MYL6: variants seen among roughly 807,000 people sequenced by gnomAD.
MYL6 encodes myosin light chain 6, also known as myosin light polypeptide 6.
MYL6 carries 20 observed loss-of-function variants against 20.3 expected under a neutral mutation model. The ratio of observed to expected loss-of-function variants is 0.98; its 90% CI spans 0.69 to 1.43. The LOEUF is 1.43. MYL6 is among the 40% of genes most tolerant of loss of function. The probability of loss-of-function intolerance (pLI) is 0.00; values close to 1 mark genes in which losing one functional copy is unlikely to be tolerated. For missense variants in MYL6, 164 were observed against 191.0 expected (o/e 0.86, Z 0.83); for synonymous variants, 77 against 72.4 (o/e 1.06, Z -0.32).
intron 2 of MYL6, 34 bp downstream of exon 2, chr12:56,158,745 T>G: frequency 1.9e-6 from 3 of 1,612,912 alleles, no homozygotes; most frequent in Non-Finnish European, 2.5e-6. Context: ...GAGGTCACCC[T>G]TAGGGAGAGG....
intron 1 of MYL6, 39 bp downstream of exon 1, chr12:56,158,443 CGA>C: frequency 6.5e-7 from 1 of 1,547,214 alleles, no homozygotes; most frequent in Non-Finnish European, 8.7e-7. Flanking sequence ...GGATTGGGGA[CGA>C]GAGGCAGGAA....
chr12:56,158,365 A>G lies in MYL6; in HGVS notation c.-37A>G, dbSNP rs1269514127. ...GGTTGGGCCGAGAGTCGGAGCCATT[A>G]CTGCAGGAAAAGGTCCCGGAGAGCT... On this transcript the variant is annotated 5_prime_UTR_variant, in exon 1 of 7. Transcript: ENST00000550697. The G allele has an allele frequency of 6.6e-6, 10 of 1,516,218 alleles. No homozygotes were observed. Among genetic ancestry groups the G allele is most frequent in the Non-Finnish European group, 8.8e-6 (10 of 1,134,980 alleles). 93.9% of individuals were successfully genotyped at this position (1,516,218 alleles called of 1,614,324 possible).
chr12:56,159,454 T>C, intron 2 of MYL6, 133 bp from the exon 3 acceptor site: 2 of 1,216,078 alleles, frequency 1.6e-6, no homozygotes, highest in Non-Finnish European at 2.3e-6. Context: ...CCCTCTTAAG[T>C]AGACTTTGGT....
chr12:56,158,697 A>C lies in MYL6; in HGVS notation c.17A>C (p.Glu6Ala). 1 of 1,614,094 alleles carries C rather than the reference A, an allele frequency of 6.2e-7. No individual in the cohort carries two copies. The highest frequency in any genetic ancestry group is 8.5e-7 in the Non-Finnish European group (1 of 1,180,016). MCDFTEDQTAEFKEAF... is the reference protein window; with the variant it reads MCDFTADQTAEFKEAF... ...TTCTCTGAGCAGTGTGACTTCACCG[A>C]AGACCAGACCGCAGGTAGGTTATCT... is the stretch of plus-strand genomic sequence containing the variant. The change falls in exon 2 of 7, where the codon GAA (glutamate) becomes GCA (alanine). Residue 6 changes from glutamate (E) to alanine (A), a missense_variant. Physicochemically the swap from Glu to Ala is moderately radical, Grantham distance 107 (BLOSUM62 -1). Transcript: ENST00000550697.
In MYL6 at chr12:56,161,524, TCTTGG is replaced by T. The variant is rs1871869951; in HGVS notation, c.*155_*159del. On this transcript the variant is annotated 3_prime_UTR_variant, in exon 7 of 7. Transcript: ENST00000550697. ...CTCAGCAACTTTCCCATCTTGTCTC[TCTTGG>T]ATGATGTTTGCCGTCAGCATTCACC... is the stretch of plus-strand genomic sequence containing the variant. 7.4e-7 allele frequency: 1 copy of T among 1,345,080 alleles called. No individual in the cohort carries two copies. Among genetic ancestry groups the T allele is most frequent in the Admixed American group, 1.7e-5 (1 of 59,596 alleles). 83.3% of individuals were successfully genotyped at this position (1,345,080 alleles called of 1,614,324 possible). A position where few individuals can be genotyped will look rare whatever the true frequency, so the allele number is the denominator to read the frequency against.
Position 56,158,359 on chromosome 12 carries a change from G to C in MYL6, c.-43G>C, listed in dbSNP as rs548926175. 1 of 1,515,168 alleles carries C rather than the reference G, an allele frequency of 6.6e-7. No individual in the cohort carries two copies. Among genetic ancestry groups the C allele is most frequent in the African/African-American group, 1.4e-5 (1 of 71,516 alleles). The allele number at this position is 1,515,168 out of a possible 1,614,324, so 93.9% of individuals were successfully genotyped here. ...GACTAGGGTTGGGCCGAGAGTCGGAGCCATTACTGCAGGAAAAGGTCCCGG... is the reference window on the plus strand; with the variant it reads ...GACTAGGGTTGGGCCGAGAGTCGGACCCATTACTGCAGGAAAAGGTCCCGG... On this transcript the variant is annotated 5_prime_UTR_variant, in exon 1 of 7. Transcript: ENST00000550697.
Position 56,160,138 on chromosome 12 carries a change from T to C in MYL6, c.339T>C (p.Leu113=), listed in dbSNP as rs1163731776. 1 of 1,613,942 alleles carries C rather than the reference T, an allele frequency of 6.2e-7. No individual in the cohort carries two copies. Among genetic ancestry groups the C allele is most frequent in the Non-Finnish European group, 8.5e-7 (1 of 1,179,952 alleles). ...TVMGAEIRHV[L]VTLGEKMTEE... is the part of the protein sequence containing the mutation. ...TGGGTGCTGAAATCCGGCATGTTCT[T>C]GTCACACTGGGTAAGGTTCTGTGTC... The change falls in exon 4 of 7, where the codon CTT becomes CTC. Residue 113 remains leucine, a synonymous_variant. Coordinates refer to ENST00000550697, the MANE Select transcript of MYL6 (RefSeq NM_021019.5).
In MYL6 at chr12:56,161,530, A is replaced by T; in HGVS notation, c.*160A>T. On this transcript the variant is annotated 3_prime_UTR_variant, in exon 7 of 7. Transcript: ENST00000550697. ...AACTTTCCCATCTTGTCTCTCTTGGATGATGTTTGCCGTCAGCATTCACCA... is the reference window on the plus strand; with the variant it reads ...AACTTTCCCATCTTGTCTCTCTTGGTTGATGTTTGCCGTCAGCATTCACCA... 1 of 1,312,862 alleles carries T rather than the reference A, an allele frequency of 7.6e-7. No homozygotes were observed. Among genetic ancestry groups the T allele is most frequent in the Non-Finnish European group, 1.1e-6 (1 of 911,358 alleles). 81.3% of individuals were successfully genotyped at this position (1,312,862 alleles called of 1,614,324 possible). A position where few individuals can be genotyped will look rare whatever the true frequency, so the allele number is the denominator to read the frequency against.
intron 5 of MYL6, 133 bp downstream of exon 5, chr12:56,160,453 G>A: frequency 6.9e-7 from 1 of 1,454,568 alleles, no homozygotes; most frequent in East Asian, 2.3e-5. Context: ...GCCCTGCCCA[G>A]CCCAGCCCAG....
rs1328803218 is a variant in MYL6, at chr12:56,159,996, AC to A, written c.198del (p.Phe67LeufsTer54). 1.2e-6 allele frequency: 2 copies of A among 1,613,392 alleles called. No homozygotes were observed. The highest frequency in any genetic ancestry group is 1.7e-6 in the Non-Finnish European group (2 of 1,179,744). On this transcript the variant is annotated frameshift_variant, in exon 4 of 7. Transcript: ENST00000550697. LOFTEE classifies it high-confidence loss of function. ...KSDEMNVKVLDFEHFLPMLQT... is the reference protein window; with the variant it reads ...KSDEMNVKVLXFEHFLPMLQT... ...GCAGAGATGAATGTGAAGGTGCTGG[AC>A]TTTGAGCACTTTCTGCCCATGCTGC... is the stretch of plus-strand genomic sequence containing the variant.
intron 2 of MYL6, 111 bp downstream of exon 2, chr12:56,158,822 T>G: frequency 6.5e-7 from 1 of 1,545,958 alleles, no homozygotes; most frequent in Admixed American, 2.0e-5. Flanking sequence ...CCCATGAGAT[T>G]ACCCCCTGGA....
Position 56,160,233 on chromosome 12 carries a change from C to G in MYL6, c.350-10C>G. 1 of 1,614,064 alleles carries G rather than the reference C, an allele frequency of 6.2e-7. No homozygotes were observed. Among genetic ancestry groups the G allele is most frequent in the Non-Finnish European group, 8.5e-7 (1 of 1,179,960 alleles). On this transcript the variant is annotated splice_polypyrimidine_tract_variant and intron_variant, in intron 4 of 6. Coordinates refer to ENST00000550697, the MANE Select transcript of MYL6 (RefSeq NM_021019.5). ...ACCCAATTCCAAAAATGCTTTCTTTCCCCCTGCAGGTGAGAAGATGACAGA... is the reference window on the plus strand; with the variant it reads ...ACCCAATTCCAAAAATGCTTTCTTTGCCCCTGCAGGTGAGAAGATGACAGA...
In MYL6 at chr12:56,160,478, G is replaced by A; in HGVS notation, c.428-148G>A. On this transcript the variant is annotated intron_variant, in intron 5 of 6. Transcript: ENST00000550697. Reference sequence around the variant, plus strand: ...GCCCAGCCCAGGAGTGGGAGGTCAGGGCGGTATAACAGGAAAGGAAGGGGG... The same window carrying A: ...GCCCAGCCCAGGAGTGGGAGGTCAGAGCGGTATAACAGGAAAGGAAGGGGG... 2.1e-6 allele frequency: 3 copies of A among 1,421,432 alleles called. No homozygotes were observed. In the South Asian group the frequency reaches 3.5e-5, roughly 16 times the overall value. The allele number at this position is 1,421,432 out of a possible 1,614,324, so 88.1% of individuals were successfully genotyped here. A position where few individuals can be genotyped will look rare whatever the true frequency, so the allele number is the denominator to read the frequency against.
At chr12:56,160,883 G>A in intron 6 of MYL6, 1 of 608,358 alleles carries the variant, frequency 1.6e-6, no homozygotes, top group Non-Finnish European at 2.9e-6. Flanking sequence ...GGGCCCTGAG[G>A]TTTTACTTAT....
In MYL6 at chr12:56,161,468, TCTAGC is replaced by T; in HGVS notation, c.*102_*106del. 3.1e-6 allele frequency: 5 copies of T among 1,603,056 alleles called. No individual in the cohort carries two copies. Among genetic ancestry groups the T allele is most frequent in the Non-Finnish European group, 4.3e-6 (5 of 1,169,988 alleles). ...TGCCTTTCCCTGTGTGAATTTTGTA[TCTAGC>T]CTAAAGTTTCCCTAGGCTTTCTTGT... On this transcript the variant is annotated 3_prime_UTR_variant, in exon 7 of 7. Coordinates refer to ENST00000550697, the MANE Select transcript of MYL6 (RefSeq NM_021019.5).
At position 56,158,378 on chromosome 12, in the gene MYL6, G is replaced by T; in HGVS notation, c.-24G>T. The stretch of plus-strand genomic sequence containing the variant: ...GTCGGAGCCATTACTGCAGGAAAAG[G>T]TCCCGGAGAGCTGAGCAGTCAAGAT... On this transcript the variant is annotated 5_prime_UTR_variant, in exon 1 of 7. Transcript: ENST00000550697. 2.6e-6 allele frequency: 4 copies of T among 1,519,458 alleles called. No homozygotes were observed. The highest frequency in any genetic ancestry group is 3.5e-6 in the Non-Finnish European group (4 of 1,136,846). The allele number at this position is 1,519,458 out of a possible 1,614,324, so 94.1% of individuals were successfully genotyped here.
chr12:56,161,039 C>T, intron 6 of MYL6: 1 of 567,376 alleles, frequency 1.8e-6, no homozygotes, highest in Non-Finnish European at 3.2e-6. Flanking sequence ...GCTGAACAGT[C>T]CTTTCCCCTT....
chr12:56,161,365 A>G, intron 6 of MYL6, 22 bp from the exon 7 acceptor site: 1 of 1,614,142 alleles, frequency 6.2e-7, no homozygotes, highest in East Asian at 2.2e-5. Context: ...TCCCTGGCTC[A>G]TCCCACCTTT....
chr12:56,160,684 C>T lies in MYL6; in HGVS notation c.*16+14C>T. 1.2e-6 allele frequency: 2 copies of T among 1,613,712 alleles called. No individual in the cohort carries two copies. The highest frequency in any genetic ancestry group is 1.7e-6 in the Non-Finnish European group (2 of 1,179,688). ...CCCATGGGGCGGGTACGGCTCCTCC[C>T]AGCCTCTCCTCTAGTTGATCTCCCC... On this transcript the variant is annotated intron_variant, in intron 6 of 6. Transcript: ENST00000550697.
Sources: gnomAD v4.1 joint callset for allele counts on GRCh38, gnomAD v4.1.1 for gene constraint, MANE v1.5 for transcripts, NCBI Gene and HGNC (gene_info 2026-07-23, HGNC 2026-07-21) for gene names.